TENM4: variants seen among roughly 807,000 people sequenced by gnomAD.
The protein encoded by TENM4 is teneurin-4.
In TENM4, 82 loss-of-function variants were observed where a neutral mutation model predicts 243.3. The observed-to-expected ratio is 0.34, with a 90% CI of 0.28 to 0.40. The LOEUF (loss-of-function observed/expected upper bound fraction) is 0.40. TENM4 is among the 10% of genes least tolerant of loss of function. The pLI is 1.00. For missense variants in TENM4, 3,138 were observed against 3,673.3 expected, an observed-to-expected ratio of 0.85 and a Z score of 3.77; for synonymous variants, 1,412 against 1,456.3, an observed-to-expected ratio of 0.97 and a Z score of 0.69.
intron 2 of TENM4, among the ~76,000 whole-genome samples, chr11:79,275,126 C>A (rs1856031287): frequency 6.6e-6 from 1 of 152,164 alleles, no homozygotes; most frequent in Non-Finnish European, 1.5e-5. Flanking sequence ...TTCCTTCCAG[C>A]CCTAACATTC....
intron 6 of TENM4, among the ~76,000 whole-genome samples, chr11:79,061,328 G>C (rs1305914190): frequency 6.6e-6 from 1 of 152,190 alleles, no homozygotes; most frequent in African/African-American, 2.4e-5. Flanking sequence ...TAGGTTTAGG[G>C]AGTCCAGTCT....
intron 20 of TENM4, among the ~76,000 whole-genome samples, chr11:78,736,445 A>AGTGTGTGTGTGT (rs3223449): frequency 4.1e-5 from 6 of 145,266 alleles, no homozygotes; most frequent in East Asian, 4.2e-4. Flanking sequence ...GATTTCAGCA[A>AGTGTGTGTGTGT]GTGTGTGTGT....
At chr11:79,414,203 C>T (rs1858765426) in intron 1 of TENM4, among the ~76,000 whole-genome samples, 1 of 152,074 alleles carries the variant, frequency 6.6e-6, no homozygotes, top group South Asian at 2.1e-4. Flanking sequence ...CATGCACATG[C>T]ACGCACTGGA....
chr11:79,224,881 G>A (rs1324546005), intron 2 of TENM4, among the ~76,000 whole-genome samples: 2 of 152,068 alleles, frequency 1.3e-5, no homozygotes, highest in African/African-American at 4.8e-5. Flanking sequence ...AACCTAGAAG[G>A]CAGAGGATGC....
intron 9 of TENM4, among the ~76,000 whole-genome samples, chr11:78,878,558 A>C (rs1463478732): frequency 6.6e-6 from 1 of 152,212 alleles, no homozygotes; most frequent in Admixed American, 6.5e-5. Flanking sequence ...AGCTCTCTTC[A>C]GGAATCCTTC....
chr11:78,871,703 G>T (rs1435381616), intron 9 of TENM4, among the ~76,000 whole-genome samples: 2 of 152,176 alleles, frequency 1.3e-5, no homozygotes, highest in Admixed American at 6.5e-5. Context: ...CTGCTTCCCA[G>T]GTGAAGGGAA....
chr11:78,883,204 C>T (rs910715853), intron 9 of TENM4, among the ~76,000 whole-genome samples: 1 of 152,238 alleles, frequency 6.6e-6, no homozygotes, highest in African/African-American at 2.4e-5. Context: ...AACATCATCT[C>T]ATTTAACCTG....
intron 1 of TENM4, among the ~76,000 whole-genome samples, chr11:79,329,688 G>T (rs905457787): frequency 6.6e-6 from 1 of 152,176 alleles, no homozygotes; most frequent in Non-Finnish European, 1.5e-5. Flanking sequence ...GAGGCAGGAA[G>T]GTGTCAGCTT....
chr11:79,033,342 A>G (rs1859294161), intron 6 of TENM4, among the ~76,000 whole-genome samples: 1 of 152,148 alleles, frequency 6.6e-6, no homozygotes, highest in Admixed American at 6.5e-5. Context: ...GAAATGGGGT[A>G]TGTGTGCTGG....
chr11:78,985,136 T>G (rs996849391), intron 6 of TENM4, among the ~76,000 whole-genome samples: 2 of 152,214 alleles, frequency 1.3e-5, no homozygotes, highest in African/African-American at 4.8e-5. Context: ...AGTTAATACA[T>G]GCCAAGTGCT....
intron 3 of TENM4, among the ~76,000 whole-genome samples, chr11:79,180,062 C>T (rs1379046453): frequency 6.6e-6 from 1 of 151,632 alleles, no homozygotes; most frequent in Non-Finnish European, 1.5e-5. Context: ...TTTAATGGTG[C>T]TATTTTATAT....
In TENM4 at chr11:78,805,341, G is replaced by A. The variant is rs537366659; in HGVS notation, c.2130C>T (p.Thr710=). Residue 710 remains threonine, a synonymous_variant, in exon 15 of 34, where the codon ACC becomes ACT. Transcript: ENST00000278550. ...AGCTTGGGTCACAGCTGCAAAGCCC[G>A]GTGTCCGGGAGGAAGGTTCCGTGGC... The part of the protein sequence containing the change: ...CSGHGTFLPD[T]GLCSCDPSWT... 1.1e-5 allele frequency: 12 copies of A among 1,131,844 alleles called. No homozygotes were observed. In the African/African-American group the frequency reaches 1.5e-4, roughly 14 times the overall value. The allele number at this position is 1,131,844 out of a possible 1,614,324, so 70.1% of individuals were successfully genotyped here. A position where few individuals can be genotyped will look rare whatever the true frequency, so the allele number is the denominator to read the frequency against.
intron 1 of TENM4, among the ~76,000 whole-genome samples, chr11:79,351,623 T>G (rs1857416701): frequency 6.6e-6 from 1 of 152,104 alleles, no homozygotes; most frequent in South Asian, 2.1e-4. Context: ...ACAAGATTGC[T>G]TGAACCCAGG....
intron 32 of TENM4, among the ~76,000 whole-genome samples, chr11:78,663,308 C>T (rs140957270): frequency 1.3e-5 from 2 of 152,308 alleles, no homozygotes; most frequent in South Asian, 2.1e-4. Flanking sequence ...GAACCCTGAT[C>T]GCAGAGGTCC....
intron 12 of TENM4, among the ~76,000 whole-genome samples, chr11:78,840,660 T>C (rs1858237521): frequency 6.6e-6 from 1 of 152,200 alleles, no homozygotes; most frequent in South Asian, 2.1e-4. Flanking sequence ...GTATATACTC[T>C]TCCGCCCAGA....
At chr11:79,270,682 C>T (rs1855953734) in intron 2 of TENM4, among the ~76,000 whole-genome samples, 10 of 152,186 alleles carry the variant, frequency 6.6e-5, no homozygotes, top group Admixed American at 6.5e-4. Context: ...ACTTCACTTC[C>T]TTCCATGACA....
rs552015750 is a variant in TENM4 at position 78,760,522 on chromosome 11, G to A, written c.2540-3501C>T. ...GTGAAGCACAAAACTTCCCTTGGAT[G>A]TCTTGTGACAATGAGACAAACATTT... On this transcript the variant is annotated intron_variant, in intron 18 of 33. Coordinates refer to ENST00000278550, the MANE Select transcript of TENM4 (RefSeq NM_001098816.3). 5.3e-5 allele frequency among the ~76,000 whole-genome samples: 8 copies of A among 152,344 alleles called. No homozygotes were observed. The East Asian group carries it at 1.5e-3, about 29-fold the overall frequency.
chr11:79,264,893 T>A (rs1404060930), intron 2 of TENM4, among the ~76,000 whole-genome samples: 1 of 152,150 alleles, frequency 6.6e-6, no homozygotes, highest in Non-Finnish European at 1.5e-5. Flanking sequence ...TCTGGTCTTG[T>A]CAACACTTAG....
chr11:78,692,964 C>G (rs555252471), intron 28 of TENM4, among the ~76,000 whole-genome samples: 1 of 152,302 alleles, frequency 6.6e-6, no homozygotes, highest in Non-Finnish European at 1.5e-5. Context: ...ATTGACCTCA[C>G]TATACTTATT....
Sources: gnomAD v4.1 joint callset for allele counts (sites outside exome capture counted in the v4.1 genomes callset) on GRCh38, gnomAD v4.1.1 for gene constraint, MANE v1.5 for transcripts, NCBI Gene and HGNC (gene_info 2026-07-23, HGNC 2026-07-21) for gene names.